RARB: variants seen among roughly 807,000 people sequenced by gnomAD.
RARB encodes HBV-activated protein.
A neutral mutation model predicts 51.9 loss-of-function variants in RARB; 17 were observed. The ratio of observed to expected loss-of-function variants is 0.33; its 90% confidence interval spans 0.22 to 0.49. RARB has a LOEUF of 0.49. Among genes scored for constraint, RARB ranks in the 20% least tolerant of loss-of-function variants. RARB has a pLI of 0.99. For synonymous variants in RARB, 215 were observed against 195.4 expected (o/e 1.10, Z -0.84); for missense variants, 369 against 550.8 (o/e 0.67, Z 3.30).
intron 2 of RARB, among the ~76,000 whole-genome samples, chr3:24,960,585 T>G (rs1246835694): frequency 6.6e-6 from 1 of 152,150 alleles, no homozygotes; most frequent in Admixed American, 6.5e-5. Flanking sequence ...TGGAAAATTG[T>G]GAACACCTTC....
intron 2 of RARB, among the ~76,000 whole-genome samples, chr3:24,925,809 G>T (rs376063099): frequency 6.6e-6 from 1 of 151,940 alleles, no homozygotes; most frequent in Non-Finnish European, 1.5e-5. Flanking sequence ...TACCTTTCAC[G>T]TGAAAACAGA....
intron 4 of RARB, among the ~76,000 whole-genome samples, chr3:25,161,690 A>T (rs988644987): frequency 5.9e-5 from 9 of 152,198 alleles, no homozygotes. Context: ...TCTTGTGCAT[A>T]TCTCTTTGCA....
At position 25,037,983 on chromosome 3, in the gene RARB, G is replaced by A. The variant is rs577085550; in HGVS notation, c.-379-22142G>A. Among the ~76,000 whole-genome samples, 8 of 152,302 alleles carry A rather than the reference G, an allele frequency of 5.3e-5. No individual in the cohort carries two copies. The South Asian group carries it at 1.5e-3, about 28-fold the overall frequency. ...TGTTTAAACCCCCTAGCCATGATAA[G>A]TAACAACTTGGCAAGCTAGTTATTT... On this transcript the variant is annotated intron_variant, in intron 2 of 11. Coordinates refer to the RARB transcript ENST00000383772.
intron 5 of RARB, among the ~76,000 whole-genome samples, chr3:25,394,960 C>T (rs1707076498): frequency 6.6e-6 from 1 of 152,082 alleles, no homozygotes; most frequent in Admixed American, 6.6e-5. Flanking sequence ...TGCCTGAATA[C>T]TTTCATTATT....
intron 4 of RARB, among the ~76,000 whole-genome samples, chr3:25,144,124 G>T (rs1360359439): frequency 6.6e-6 from 1 of 152,164 alleles, no homozygotes; most frequent in Non-Finnish European, 1.5e-5. Flanking sequence ...AACAGAATTT[G>T]TTGAGCAACT....
At chr3:25,340,269 TTG>T (rs1705190843) in intron 5 of RARB, among the ~76,000 whole-genome samples, 2 of 152,158 alleles carry the variant, frequency 1.3e-5, no homozygotes, top group Admixed American at 1.3e-4. Flanking sequence ...CCTCATCATG[TTG>T]TTTTAATAAT....
chr3:25,486,443 C>G (rs1287183321), intron 2 of RARB, among the ~76,000 whole-genome samples: 1 of 152,158 alleles, frequency 6.6e-6, no homozygotes, highest in Admixed American at 6.5e-5. Flanking sequence ...AGCCACCCTA[C>G]AGCCCTGGCA....
chr3:25,163,504 A>AAAAAAAAAAAAATATATAT (rs1303712411), intron 4 of RARB, among the ~76,000 whole-genome samples: 3 of 131,096 alleles, frequency 2.3e-5, no homozygotes, highest in African/African-American at 9.6e-5. Context: ...CCTATCTCAA[A>AAAAAAAAAAAAATATATAT]ATATATATAT....
intron 2 of RARB, among the ~76,000 whole-genome samples, chr3:24,998,662 A>G (rs1198299393): frequency 6.6e-6 from 1 of 152,140 alleles, no homozygotes; most frequent in African/African-American, 2.4e-5. Flanking sequence ...TCTGGAGATT[A>G]CCACTGTAGC....
intron 5 of RARB, among the ~76,000 whole-genome samples, chr3:25,415,560 C>G (rs1285082856): frequency 6.6e-6 from 1 of 152,090 alleles, no homozygotes; most frequent in Non-Finnish European, 1.5e-5. Context: ...AAAATACTAC[C>G]TTTTTCCTGG....
intron 5 of RARB, among the ~76,000 whole-genome samples, chr3:25,175,189 C>T (rs2125353667): frequency 6.6e-6 from 1 of 152,264 alleles, no homozygotes; most frequent in African/African-American, 2.4e-5. Flanking sequence ...TAGAATTCTC[C>T]AAGACTGATA....
rs746455367 is a variant in RARB, at chr3:25,596,779, C to A, written c.*163C>A. On this transcript the variant is annotated 3_prime_UTR_variant, in exon 8 of 8. Transcript: ENST00000330688. Reference sequence around the variant, plus strand: ...TATGTATCAATATATATACTCCTCACTGTGTAACTTACCTAGAAATACAAA... The same window carrying A: ...TATGTATCAATATATATACTCCTCAATGTGTAACTTACCTAGAAATACAAA... 4 of 491,466 alleles carry A rather than the reference C, an allele frequency of 8.1e-6. No individual in the cohort carries two copies. Among genetic ancestry groups the A allele is most frequent in the Non-Finnish European group, 1.0e-5 (3 of 294,480 alleles). The allele number at this position is 491,466 out of a possible 1,614,324, so 30.4% of individuals were successfully genotyped here.
Position 25,309,330 on chromosome 3 carries a change from G to A in RARB, c.178+134755G>A, listed in dbSNP as rs190614203. On this transcript the variant is annotated intron_variant, in intron 5 of 11. Transcript: ENST00000383772. Reference sequence around the variant, plus strand: ...TTTGTTTTTTTTTTTTAGCAGAGACGGGGTTTCACCGTGTTAGCCAGGCTG... The same window carrying A: ...TTTGTTTTTTTTTTTTAGCAGAGACAGGGTTTCACCGTGTTAGCCAGGCTG... Among the ~76,000 whole-genome samples, 101 of 149,386 alleles carry A rather than the reference G, an allele frequency of 6.8e-4. 2 individuals are homozygous for A. Among genetic ancestry groups the A allele is most frequent in the Non-Finnish European group, 3.0e-5 (2 of 67,302 alleles).
At chr3:24,888,374 G>A (rs536047286) in intron 2 of RARB, among the ~76,000 whole-genome samples, 7 of 152,076 alleles carry the variant, frequency 4.6e-5, no homozygotes, top group South Asian at 2.1e-4. Context: ...GGTAGGAGCC[G>A]GGATTTGAAC....
chr3:24,954,336 G>A (rs1013011725), intron 2 of RARB, among the ~76,000 whole-genome samples: 2 of 152,120 alleles, frequency 1.3e-5, no homozygotes, highest in African/African-American at 4.8e-5. Flanking sequence ...AGAATTAGTG[G>A]GTAAGAATGG....
intron 5 of RARB, among the ~76,000 whole-genome samples, chr3:25,292,574 G>C (rs1339029276): frequency 6.6e-6 from 1 of 152,206 alleles, no homozygotes; most frequent in Non-Finnish European, 1.5e-5. Flanking sequence ...GAGAGAGCTT[G>C]CGTTGCTCTA....
intron 2 of RARB, among the ~76,000 whole-genome samples, chr3:24,933,502 GC>G (rs1283661304): frequency 6.6e-6 from 1 of 151,890 alleles, no homozygotes; most frequent in East Asian, 1.9e-4. Context: ...AGTGACTCTC[GC>G]CCTTCAGAGT....
intron 5 of RARB, among the ~76,000 whole-genome samples, chr3:25,302,578 T>C (rs932091259): frequency 6.6e-6 from 1 of 152,178 alleles, no homozygotes; most frequent in South Asian, 2.1e-4. Context: ...GAAAGTAGAT[T>C]AGCAGCTTCC....
chr3:25,190,219 C>CTGGACATAGGAACAGAGGA (rs1367947132), intron 5 of RARB, among the ~76,000 whole-genome samples: 3 of 151,782 alleles, frequency 2.0e-5, no homozygotes, highest in Non-Finnish European at 4.4e-5. Context: ...AAATTTTCCT[C>CTGGACATAGGAACAGAGGA]AATCTAATTC....
Sources: allele counts gnomAD v4.1 joint callset (sites outside exome capture counted in the v4.1 genomes callset), GRCh38; gene constraint gnomAD v4.1.1; transcripts MANE v1.5; gene names NCBI Gene and HGNC (gene_info 2026-07-23, HGNC 2026-07-21).